Variants in NBEAL1 observed in about 807,000 individuals in gnomAD.
The protein encoded by NBEAL1 is neurobeachin like 1.
Under a neutral mutation model 351.3 loss-of-function variants are expected in NBEAL1, and 273 were observed. That is an observed-to-expected ratio of 0.78 (90% CI 0.70 to 0.86). The LOEUF is 0.86. Ranked by LOEUF, NBEAL1 falls within the 40% of genes least tolerant of loss-of-function variation. The probability of loss-of-function intolerance (pLI) is 0.00; values close to 1 mark genes in which losing one functional copy is unlikely to be tolerated. For synonymous variants in NBEAL1, 1,050 were observed against 1,086.4 expected (o/e 0.97, Z 0.66); for missense variants, 2,961 against 3,201.3 (o/e 0.92, Z 1.81).
intron 10 of NBEAL1, among the ~76,000 whole-genome samples, chr2:203,087,132 C>T (rs1233537306): frequency 2.8e-4 from 35 of 126,780 alleles, no homozygotes; most frequent in African/African-American, 1.0e-3. Context: ...CTTGCTCTGT[C>T]GCCCAGGCTA....
intron 49 of NBEAL1, among the ~76,000 whole-genome samples, chr2:203,199,817 C>G (rs1258993968): frequency 6.6e-6 from 1 of 152,054 alleles, no homozygotes; most frequent in Non-Finnish European, 1.5e-5. Flanking sequence ...TCCCTCCTTC[C>G]TCCCTCCATT....
chr2:203,027,167 C>A (rs1350532144), intron 2 of NBEAL1, among the ~76,000 whole-genome samples: 1 of 152,116 alleles, frequency 6.6e-6, no homozygotes, highest in African/African-American at 2.4e-5. Flanking sequence ...ATTTGAAATC[C>A]TTTGAAGGTA....
chr2:203,116,147 C>A, intron 18 of NBEAL1, 77 bp downstream of exon 18: 1 of 961,310 alleles, frequency 1.0e-6, no homozygotes, highest in Non-Finnish European at 1.6e-6. Flanking sequence ...TTCCTTTTGT[C>A]ATTTCATTGG....
intron 24 of NBEAL1, among the ~76,000 whole-genome samples, chr2:203,128,813 GTC>G (rs1436060613): frequency 2.0e-5 from 3 of 151,774 alleles, no homozygotes; most frequent in Admixed American, 6.6e-5. Context: ...GGCCAGGATG[GTC>G]TCCATCTCTT....
chr2:203,197,150 C>A, intron 47 of NBEAL1, 152 bp from the exon 48 acceptor site: 3 of 488,374 alleles, frequency 6.1e-6, no homozygotes, highest in African/African-American at 1.9e-5. Context: ...GTATATAATT[C>A]CTTTCCTTCA....
intron 34 of NBEAL1, among the ~76,000 whole-genome samples, chr2:203,149,994 T>C (rs2063608683): frequency 1.3e-5 from 2 of 152,212 alleles, no homozygotes; most frequent in South Asian, 4.1e-4. Context: ...TTTCCATTTT[T>C]TGGCTAATTT....
At chr2:203,106,996 A>G (rs187079595) in intron 12 of NBEAL1, among the ~76,000 whole-genome samples, 160 of 152,284 alleles carry the variant, frequency 1.1e-3, no homozygotes, top group African/African-American at 3.6e-3. Flanking sequence ...AATTGGCAGG[A>G]ACTCTTTAAT....
At chr2:203,111,878 T>G (rs1027081063) in intron 15 of NBEAL1, 101 bp from the exon 16 acceptor site, 2 of 1,299,126 alleles carry the variant, frequency 1.5e-6, no homozygotes, top group Non-Finnish European at 2.1e-6. Context: ...ATCTTAACGT[T>G]CTACTATTTG....
chr2:203,133,440 T>G (rs1349570730), intron 27 of NBEAL1, among the ~76,000 whole-genome samples: 1 of 152,050 alleles, frequency 6.6e-6, no homozygotes, highest in Non-Finnish European at 1.5e-5. Context: ...TTGTGACCAT[T>G]TCTAATTAAT....
chr2:203,112,233 C>T (rs2062589932), intron 16 of NBEAL1, 135 bp downstream of exon 16: 2 of 826,334 alleles, frequency 2.4e-6, no homozygotes, highest in South Asian at 4.7e-5. Context: ...TAGTAAGACT[C>T]CACACATTAA....
At chr2:203,117,623 G>A (rs917868485) in intron 18 of NBEAL1, among the ~76,000 whole-genome samples, 1 of 151,924 alleles carries the variant, frequency 6.6e-6, no homozygotes, top group African/African-American at 2.4e-5. Flanking sequence ...AGTCCTTGCT[G>A]ACCTCAGTTG....
At chr2:203,078,408 T>C (rs1336645462) in intron 8 of NBEAL1, among the ~76,000 whole-genome samples, 1 of 152,220 alleles carries the variant, frequency 6.6e-6, no homozygotes, top group Non-Finnish European at 1.5e-5. Context: ...AGTGCGACTA[T>C]TGGCTCACTG....
At chr2:203,175,037 A>G in intron 41 of NBEAL1, 110 bp from the exon 42 acceptor site, 1 of 945,794 alleles carries the variant, frequency 1.1e-6, no homozygotes. Context: ...AGGCATATGA[A>G]GAAGGATGGA....
At chr2:203,163,649 A>T (rs950216482) in intron 36 of NBEAL1, among the ~76,000 whole-genome samples, 2 of 152,198 alleles carry the variant, frequency 1.3e-5, no homozygotes, top group Non-Finnish European at 2.9e-5. Context: ...CCAGAAATTC[A>T]TATAAATAGA....
At position 203,220,892 on chromosome 2, in the gene NBEAL1, T is replaced by C. The variant is rs981834853; in HGVS notation, c.*3538T>C. ...AAAATTAAAATCTGTTAACTTTGTT[T>C]AGGTCACAGTGCAGTGCATCCTTTT... On this transcript the variant is annotated 3_prime_UTR_variant, in exon 56 of 56. Transcript: ENST00000683969. Among the ~76,000 whole-genome samples the C allele has an allele frequency of 6.6e-6, 1 of 152,200 alleles. No homozygotes were observed. The highest frequency in any genetic ancestry group is 6.5e-5 in the Admixed American group (1 of 15,270).
intron 26 of NBEAL1, among the ~76,000 whole-genome samples, chr2:203,132,403 A>T (rs550160095): frequency 2.5e-4 from 38 of 152,344 alleles, no homozygotes; most frequent in African/African-American, 8.9e-4. Flanking sequence ...TGTGCAAAAG[A>T]TTGTTTTTTC....
intron 2 of NBEAL1, chr2:203,040,390 A>G: frequency 1.4e-6 from 1 of 712,680 alleles, no homozygotes; most frequent in Non-Finnish European, 2.5e-6. Context: ...ACACATCAAA[A>G]GGATTAATGG....
chr2:203,113,034 T>C lies in NBEAL1; in HGVS notation c.2222T>C (p.Ile741Thr). 2.7e-6 allele frequency: 4 copies of C among 1,489,220 alleles called. No homozygotes were observed. Among genetic ancestry groups the C allele is most frequent in the Non-Finnish European group, 2.7e-6 (3 of 1,117,174 alleles). The allele number at this position is 1,489,220 out of a possible 1,614,324, so 92.3% of individuals were successfully genotyped here. A position where few individuals can be genotyped will look rare whatever the true frequency, so the allele number is the denominator to read the frequency against. The change falls in exon 17 of 56, where the codon ATT becomes ACT. Residue 741 changes from isoleucine to threonine, a missense_variant. By Grantham distance (89) the Ile-to-Thr change is moderately conservative. Coordinates refer to ENST00000683969, the MANE Select transcript of NBEAL1 (RefSeq NM_001378026.1). Reference sequence around the variant, plus strand: ...TTTTAGCCCTTTACTTCCTGTTGCATTGGTTCAGCTGGGCAAAGAACCACC... The same window carrying C: ...TTTTAGCCCTTTACTTCCTGTTGCACTGGTTCAGCTGGGCAAAGAACCACC... ...AMNEPFTSCCIGSAGQRTTTP... is the reference protein window; with the variant it reads ...AMNEPFTSCCTGSAGQRTTTP...
rs377148037 is a variant in NBEAL1 at position 203,021,084 on chromosome 2, G to C, written c.51+4649G>C. Among the ~76,000 whole-genome samples, 15 of 152,022 alleles carry C rather than the reference G, an allele frequency of 9.9e-5. No individual in the cohort carries two copies. The East Asian group carries it at 2.7e-3, about 28-fold the overall frequency. ...GGTATTTACAGGCACATGCCACCAGGCCCAGCTAAATTTTTGTATTTTTAG... is the reference window on the plus strand; with the variant it reads ...GGTATTTACAGGCACATGCCACCAGCCCCAGCTAAATTTTTGTATTTTTAG... On this transcript the variant is annotated intron_variant, in intron 2 of 55. Transcript: ENST00000683969.
Sources: gnomAD v4.1 joint callset for allele counts (sites outside exome capture counted in the v4.1 genomes callset) on GRCh38, gnomAD v4.1.1 for gene constraint, MANE v1.5 for transcripts, NCBI Gene and HGNC (gene_info 2026-07-23, HGNC 2026-07-21) for gene names.